The following FILIP1 variants were observed in gnomAD, a reference collection of about 807,000 sequenced individuals.
FILIP1 encodes filamin A interacting protein 1.
FILIP1 carries 61 observed loss-of-function variants against 102.1 expected under a neutral mutation model. That is an observed-to-expected ratio of 0.60 (90% CI 0.49 to 0.74). The LOEUF is 0.74. Ranked by LOEUF, FILIP1 falls within the 30% of genes least tolerant of loss-of-function variation. FILIP1 has a pLI of 0.00. For missense variants in FILIP1, 1,314 were observed against 1,441.2 expected, an observed-to-expected ratio of 0.91 and a Z score of 1.43; for synonymous variants, 491 against 526.9, an observed-to-expected ratio of 0.93 and a Z score of 0.93.
intron 1 of FILIP1, among the ~76,000 whole-genome samples, chr6:75,430,310 T>C (rs1375126668): frequency 2.6e-5 from 4 of 152,186 alleles, no homozygotes; most frequent in Admixed American, 2.0e-4. Context: ...TATTTCTTTA[T>C]AGCAGTGTGA....
chr6:75,321,147 A>T (rs374074498), intron 4 of FILIP1, among the ~76,000 whole-genome samples: 36 of 152,130 alleles, frequency 2.4e-4, no homozygotes, highest in African/African-American at 8.2e-4. Flanking sequence ...ACCTCAAGCA[A>T]TCCTCCCATC....
At chr6:75,463,943 G>T (rs1351790383) in intron 1 of FILIP1, among the ~76,000 whole-genome samples, 1 of 152,120 alleles carries the variant, frequency 6.6e-6, no homozygotes. Flanking sequence ...GAAAAAAATT[G>T]CTATGCTTCT....
In FILIP1 at chr6:75,471,983, TAA is replaced by T. The variant is rs1440281511; in HGVS notation, c.-7+21429_-7+21430del. On this transcript the variant is annotated intron_variant, in intron 1 of 5. Transcript: ENST00000237172. ...TCAAAGGGTACTTCAGCTTGATCTG[TAA>T]AGTTATAATTTTTTATAAGGAGACT... is the stretch of plus-strand genomic sequence containing the variant. Among the ~76,000 whole-genome samples the T allele has an allele frequency of 5.3e-5, 8 of 152,282 alleles. No individual in the cohort carries two copies. The East Asian group carries it at 1.5e-3, about 29-fold the overall frequency.
intron 1 of FILIP1, among the ~76,000 whole-genome samples, chr6:75,422,822 T>C (rs908314334): frequency 1.3e-5 from 2 of 152,296 alleles, no homozygotes; most frequent in Non-Finnish European, 2.9e-5. Context: ...TACATCATTT[T>C]AATGTACATT....
chr6:75,452,771 T>G (rs916082423), intron 1 of FILIP1, among the ~76,000 whole-genome samples: 7 of 152,204 alleles, frequency 4.6e-5, no homozygotes, highest in Non-Finnish European at 7.3e-5. Context: ...AGCAGTTATT[T>G]TGGGTGGTGA....
intron 1 of FILIP1, among the ~76,000 whole-genome samples, chr6:75,415,258 A>C (rs191826037): frequency 8.7e-4 from 132 of 152,170 alleles, no homozygotes; most frequent in African/African-American, 3.0e-3. Context: ...ATATATCAAT[A>C]TTGGTTCATT....
chr6:75,296,128 A>G (rs1187388196), intron 6 of FILIP1, among the ~76,000 whole-genome samples: 1 of 152,190 alleles, frequency 6.6e-6, no homozygotes, highest in Non-Finnish European at 1.5e-5. Flanking sequence ...TGGCGTATGT[A>G]CTTTACCTCG....
intron 1 of FILIP1, among the ~76,000 whole-genome samples, chr6:75,423,997 C>CA (rs1381403892): frequency 1.3e-5 from 2 of 152,072 alleles, no homozygotes; most frequent in South Asian, 2.1e-4. Flanking sequence ...GGACTGGAAC[C>CA]ACTATTACCT....
In FILIP1 at chr6:75,314,695, T is replaced by C. The variant is rs1297370867; in HGVS notation, c.1137A>G (p.Glu379=). Residue 379 remains glutamate (E), a synonymous_variant, in exon 5 of 6, where the codon GAA becomes GAG. Coordinates refer to ENST00000237172, the MANE Select transcript of FILIP1 (RefSeq NM_015687.5). Reference sequence around the variant, plus strand: ...GCACACGCTTTCGAAGATTTTCCACTTCTGCCATGAGGCTAGAGTTTCCAC... The same window carrying C: ...GCACACGCTTTCGAAGATTTTCCACCTCTGCCATGAGGCTAGAGTTTCCAC... ...GECGNSSLMA[E]VENLRKRVLE... The C allele has an allele frequency of 2.5e-6, 4 of 1,614,016 alleles. No individual in the cohort carries two copies. The highest frequency in any genetic ancestry group is 2.5e-6 in the Non-Finnish European group (3 of 1,180,000).
At chr6:75,480,850 T>C (rs932668658) in intron 1 of FILIP1, among the ~76,000 whole-genome samples, 2 of 152,214 alleles carry the variant, frequency 1.3e-5, no homozygotes, top group African/African-American at 2.4e-5. Flanking sequence ...GTGATGAGCA[T>C]ATGTATGTAT....
intron 4 of FILIP1, among the ~76,000 whole-genome samples, chr6:75,346,643 G>A (rs1189331035): frequency 6.6e-6 from 1 of 152,098 alleles, no homozygotes; most frequent in Non-Finnish European, 1.5e-5. Flanking sequence ...ACCCCGGGAA[G>A]CTACCTTTTT....
intron 4 of FILIP1, among the ~76,000 whole-genome samples, chr6:75,340,182 G>T (rs1360672315): frequency 1.3e-5 from 2 of 151,942 alleles, no homozygotes; most frequent in African/African-American, 4.8e-5. Flanking sequence ...AGTAAGTCAT[G>T]TTTTTCCAGC....
At chr6:75,302,848 T>TATG (rs1772879078) in intron 6 of FILIP1, among the ~76,000 whole-genome samples, 1 of 152,018 alleles carries the variant, frequency 6.6e-6, no homozygotes, top group African/African-American at 2.4e-5. Context: ...TATGATATGA[T>TATG]ATGATATGAT....
rs188001978 is a variant in FILIP1, at chr6:75,364,896, G to A, written c.277-1979C>T. 3.4e-4 allele frequency among the ~76,000 whole-genome samples: 52 copies of A among 152,228 alleles called. 2 individuals carry two copies. The East Asian group carries it at 6.9e-3, about 20-fold the overall frequency. ...TCTCCTTTAAGTCATCCTCACACCC[G>A]AGGTCAGTTTTTTGCTTAGACCAAA... is the stretch of plus-strand genomic sequence containing the variant. On this transcript the variant is annotated intron_variant, in intron 2 of 5. Transcript: ENST00000237172.
intron 2 of FILIP1, among the ~76,000 whole-genome samples, chr6:75,392,028 C>A (rs1201779823): frequency 6.6e-6 from 1 of 152,160 alleles, no homozygotes; most frequent in Non-Finnish European, 1.5e-5. Flanking sequence ...TCAGCAGCAT[C>A]TGACACTTTG....
intron 2 of FILIP1, among the ~76,000 whole-genome samples, chr6:75,395,493 G>A (rs1776430848): frequency 6.6e-6 from 1 of 152,134 alleles, no homozygotes; most frequent in African/African-American, 2.4e-5. Flanking sequence ...AGCCAGGCTG[G>A]TCTCAAACTC....
intron 1 of FILIP1, among the ~76,000 whole-genome samples, chr6:75,475,324 A>G (rs1193067775): frequency 6.6e-6 from 1 of 152,316 alleles, no homozygotes; most frequent in South Asian, 2.1e-4. Flanking sequence ...GCCTTCCACA[A>G]GGAAATATTT....
chr6:75,434,428 G>A (rs879920227), intron 1 of FILIP1, among the ~76,000 whole-genome samples: 1 of 152,088 alleles, frequency 6.6e-6, no homozygotes, highest in Admixed American at 6.6e-5. Flanking sequence ...TGGCTTCCTA[G>A]GTATTTTATT....
intron 1 of FILIP1, among the ~76,000 whole-genome samples, chr6:75,422,204 A>G (rs1281976043): frequency 2.0e-5 from 3 of 152,016 alleles, no homozygotes; most frequent in Non-Finnish European, 4.4e-5. Context: ...TTTTATATTT[A>G]TAATTCTTTA....
Sources: gnomAD v4.1 joint callset for allele counts (sites outside exome capture counted in the v4.1 genomes callset) on GRCh38, gnomAD v4.1.1 for gene constraint, MANE v1.5 for transcripts, NCBI Gene and HGNC (gene_info 2026-07-23, HGNC 2026-07-21) for gene names.